The following GTF2IRD1 variants were observed in gnomAD, a reference collection of about 807,000 sequenced individuals.
GTF2IRD1 encodes GTF2I repeat domain containing 1.
A neutral mutation model predicts 113.2 loss-of-function variants in GTF2IRD1; 26 were observed. That is an observed-to-expected ratio of 0.23 (90% CI 0.17 to 0.32). GTF2IRD1 has a LOEUF of 0.32. Among genes scored for constraint, GTF2IRD1 ranks in the 10% least tolerant of loss-of-function variants. The pLI is 1.00. For synonymous variants in GTF2IRD1, 484 were observed against 529.1 expected, an observed-to-expected ratio of 0.91 and a Z score of 1.17; for missense variants, 864 against 1,280.8, an observed-to-expected ratio of 0.67 and a Z score of 4.97.
chr7:74,564,978 G>T (rs1214168391), intron 22 of GTF2IRD1, among the ~76,000 whole-genome samples: 1 of 152,092 alleles, frequency 6.6e-6, no homozygotes, highest in Non-Finnish European at 1.5e-5. Flanking sequence ...GGAGCTGTGG[G>T]CCAGGGGTTT....
At chr7:74,510,945 A>G (rs1000424628) in intron 2 of GTF2IRD1, among the ~76,000 whole-genome samples, 20 of 151,898 alleles carry the variant, frequency 1.3e-4, no homozygotes, top group African/African-American at 4.8e-4. Flanking sequence ...GCTATTCGGG[A>G]GGCCGAGGCA....
chr7:74,540,138 T>C (rs1798549212), intron 14 of GTF2IRD1, among the ~76,000 whole-genome samples, 170 bp downstream of exon 14: 1 of 152,090 alleles, frequency 6.6e-6, no homozygotes, highest in African/African-American at 2.4e-5. Flanking sequence ...TTTGGAAACC[T>C]CAAGTAGGCT....
intron 19 of GTF2IRD1, among the ~76,000 whole-genome samples, chr7:74,556,447 A>C (rs1554356872): frequency 6.6e-6 from 1 of 151,260 alleles, no homozygotes; most frequent in Non-Finnish European, 1.5e-5. Context: ...CAGGCTCCCA[A>C]GTAGCTGGGA....
intron 16 of GTF2IRD1, 146 bp downstream of exon 16, chr7:74,545,955 G>A (rs184772437): frequency 6.2e-4 from 421 of 683,938 alleles, no homozygotes; most frequent in Non-Finnish European, 8.5e-4. Flanking sequence ...GAAGGGAGGA[G>A]CTGGGACCCA....
At chr7:74,524,998 C>T (rs1554346924) in intron 8 of GTF2IRD1, among the ~76,000 whole-genome samples, 1 of 152,106 alleles carries the variant, frequency 6.6e-6, no homozygotes, top group Non-Finnish European at 1.5e-5. Flanking sequence ...GATTGTACCC[C>T]TGCACTCCAG....
At chr7:74,534,022 C>T (rs1554349588) in intron 9 of GTF2IRD1, among the ~76,000 whole-genome samples, 1 of 151,006 alleles carries the variant, frequency 6.6e-6, no homozygotes, top group African/African-American at 2.4e-5. Context: ...GAGCAAGACC[C>T]CAACTCAAAA....
chr7:74,584,597 A>G (rs1362310473), intron 22 of GTF2IRD1, among the ~76,000 whole-genome samples: 54 of 152,128 alleles, frequency 3.5e-4, no homozygotes, highest in African/African-American at 1.3e-3. Context: ...TTCTATTCTT[A>G]TCTTTGTCCC....
At chr7:74,589,705 A>G in intron 22 of GTF2IRD1, 146 bp from the exon 23 acceptor site, 1 of 451,400 alleles carries the variant, frequency 2.2e-6, no homozygotes, top group South Asian at 2.7e-5. Flanking sequence ...CTCAAAAGGA[A>G]AAAAAAAAAA....
intron 1 of GTF2IRD1, among the ~76,000 whole-genome samples, chr7:74,460,689 A>G (rs972434970): frequency 6.6e-6 from 1 of 151,648 alleles, no homozygotes; most frequent in African/African-American, 2.4e-5. Context: ...TTTCTGGCCA[A>G]TGTGGTCCGT....
chr7:74,553,871 T>C (rs587725752), intron 17 of GTF2IRD1, among the ~76,000 whole-genome samples: 52 of 152,266 alleles, frequency 3.4e-4, no homozygotes, highest in African/African-American at 1.2e-3. Flanking sequence ...AGGAGGGGCC[T>C]AAATGCAGTC....
intron 22 of GTF2IRD1, among the ~76,000 whole-genome samples, chr7:74,565,016 C>T (rs1554360265): frequency 2.0e-5 from 3 of 151,754 alleles, no homozygotes; most frequent in African/African-American, 7.3e-5. Flanking sequence ...TAGAAAGCAC[C>T]AGACTGAACT....
rs551032524 is a variant in GTF2IRD1 at position 74,509,955 on chromosome 7, G to A, written c.123+1752G>A. On this transcript the variant is annotated intron_variant, in intron 2 of 26. Coordinates refer to ENST00000424337, the MANE Select transcript of GTF2IRD1 (RefSeq NM_005685.4). The stretch of plus-strand genomic sequence containing the variant: ...CTCTCAAAGTGCTGGGATTACAGGC[G>A]TGAGCCACTGCGCCTGGCCCAGCAA... Among the ~76,000 whole-genome samples, 6 of 152,256 alleles carry A rather than the reference G, an allele frequency of 3.9e-5. No individual in the cohort carries two copies. In the East Asian group the frequency reaches 5.8e-4, roughly 15 times the overall value.
In GTF2IRD1 at chr7:74,584,862, C is replaced by T. The variant is rs181069847; in HGVS notation, c.2321-4989C>T. On this transcript the variant is annotated intron_variant, in intron 22 of 26. Coordinates refer to ENST00000424337, the MANE Select transcript of GTF2IRD1 (RefSeq NM_005685.4). The stretch of plus-strand genomic sequence containing the variant: ...TGTCCCCCAGGCTGGAGTACGATGG[C>T]GCGATCTTGGCTCTCTGTAACCTCC... 2.8e-4 allele frequency among the ~76,000 whole-genome samples: 42 copies of T among 152,180 alleles called. 1 individual carries two copies. Among genetic ancestry groups the T allele is most frequent in the Admixed American group, 5.9e-4 (9 of 15,246 alleles).
At chr7:74,536,912 A>C (rs1404023358) in intron 11 of GTF2IRD1, among the ~76,000 whole-genome samples, 2 of 151,952 alleles carry the variant, frequency 1.3e-5, no homozygotes, top group African/African-American at 4.8e-5. Context: ...GGAGTTTGAG[A>C]CCAGCTTGGG....
chr7:74,482,659 C>G (rs536554351), intron 1 of GTF2IRD1, among the ~76,000 whole-genome samples: 30 of 152,266 alleles, frequency 2.0e-4, no homozygotes, highest in South Asian at 8.3e-4. Flanking sequence ...CCTCTCACCC[C>G]CTTCCAGTTA....
At chr7:74,566,061 T>C (rs1800295387) in intron 22 of GTF2IRD1, among the ~76,000 whole-genome samples, 1 of 151,362 alleles carries the variant, frequency 6.6e-6, no homozygotes, top group Admixed American at 6.6e-5. Context: ...TGCAAATATA[T>C]GCCCATGGTA....
At chr7:74,552,425 AG>A (rs1363745011) in intron 17 of GTF2IRD1, among the ~76,000 whole-genome samples, 2 of 152,130 alleles carry the variant, frequency 1.3e-5, no homozygotes, top group African/African-American at 4.8e-5. Flanking sequence ...CTGAGGCAGG[AG>A]AATTGCTTAA....
intron 1 of GTF2IRD1, among the ~76,000 whole-genome samples, chr7:74,456,851 AG>A (rs1368425742): frequency 6.6e-6 from 1 of 151,852 alleles, no homozygotes; most frequent in Non-Finnish European, 1.5e-5. Flanking sequence ...TGGCTAGGGT[AG>A]GGGGTCAGGA....
At chr7:74,587,945 A>G (rs1182274571) in intron 22 of GTF2IRD1, among the ~76,000 whole-genome samples, 1 of 151,700 alleles carries the variant, frequency 6.6e-6, no homozygotes, top group Non-Finnish European at 1.5e-5. Context: ...CCATTCACAG[A>G]CCTTGGTCAG....
Sources: allele counts gnomAD v4.1 joint callset (sites outside exome capture counted in the v4.1 genomes callset), GRCh38; gene constraint gnomAD v4.1.1; transcripts MANE v1.5; gene names NCBI Gene and HGNC (gene_info 2026-07-23, HGNC 2026-07-21).